The following MYO18B variants were observed in gnomAD, a reference collection of about 807,000 sequenced individuals.
MYO18B encodes unconventional myosin-XVIIIb.
MYO18B carries 204 observed loss-of-function variants against 273.0 expected under a neutral mutation model. That is an observed-to-expected ratio of 0.75 (90% CI 0.67 to 0.84). The LOEUF (loss-of-function observed/expected upper bound fraction) is 0.84, where lower values mean the gene tolerates loss of function less well. Ranked by LOEUF, MYO18B falls within the 40% of genes least tolerant of loss-of-function variation. The pLI, the probability that MYO18B is intolerant of heterozygous loss-of-function variation, is 0.00. For missense variants in MYO18B, 3,212 were observed against 3,287.6 expected (o/e 0.98, Z 0.56); for synonymous variants, 1,330 against 1,305.7 (o/e 1.02, Z -0.40).
At chr22:25,800,426 C>T (rs1461126988) in intron 12 of MYO18B, among the ~76,000 whole-genome samples, 1 of 152,216 alleles carries the variant, frequency 6.6e-6, no homozygotes, top group East Asian at 1.9e-4. Context: ...ACGTCCTGGT[C>T]ACTGAGGCCA....
chr22:25,844,974 A>T (rs1378165053), intron 18 of MYO18B, among the ~76,000 whole-genome samples: 2 of 152,042 alleles, frequency 1.3e-5, no homozygotes, highest in Non-Finnish European at 2.9e-5. Flanking sequence ...ATGCTACAAG[A>T]CTCAGCGGCT....
At chr22:25,793,798 G>A (rs1462584113) in intron 11 of MYO18B, among the ~76,000 whole-genome samples, 1 of 152,158 alleles carries the variant, frequency 6.6e-6, no homozygotes, top group Non-Finnish European at 1.5e-5. Context: ...CTTTACCTCA[G>A]ACAAACCCTG....
intron 7 of MYO18B, among the ~76,000 whole-genome samples, chr22:25,776,615 CA>C (rs2145633545): frequency 6.6e-6 from 1 of 151,960 alleles, no homozygotes; most frequent in African/African-American, 2.4e-5. Flanking sequence ...AAAACAAAAA[CA>C]AAAACAAAAA....
chr22:25,783,294 C>T (rs1028860418), intron 10 of MYO18B, among the ~76,000 whole-genome samples: 1 of 152,368 alleles, frequency 6.6e-6, no homozygotes, highest in South Asian at 2.1e-4. Flanking sequence ...GTTTCTCCTC[C>T]TGTAAAATGG....
chr22:25,902,802 G>T, intron 30 of MYO18B, 66 bp downstream of exon 30: 1 of 1,502,360 alleles, frequency 6.7e-7, no homozygotes, highest in African/African-American at 1.4e-5. Flanking sequence ...ACTGCATCGT[G>T]CACCTGCTGC....
chr22:25,900,235 AT>A (rs907424443), intron 29 of MYO18B: 1 of 152,172 alleles, frequency 6.6e-6, no homozygotes, highest in Non-Finnish European at 1.5e-5. Flanking sequence ...AAGCTAATTT[AT>A]GTTTTGATGC....
rs544015836 is a variant in MYO18B at position 26,002,611 on chromosome 22, G to A, written c.6288-654G>A. On this transcript the variant is annotated intron_variant, in intron 40 of 43. Transcript: ENST00000335473. ...GATGTCCTAGGTGTCTGAGGTTTGC[G>A]GTTTGGCTGTCTGCACCCACCCACT... 3.9e-5 allele frequency among the ~76,000 whole-genome samples: 6 copies of A among 152,278 alleles called. No individual in the cohort carries two copies. The South Asian group carries it at 6.2e-4, about 16-fold the overall frequency.
At chr22:25,825,139 A>C (rs1327449383) in intron 13 of MYO18B, among the ~76,000 whole-genome samples, 1 of 152,176 alleles carries the variant, frequency 6.6e-6, no homozygotes, top group Non-Finnish European at 1.5e-5. Flanking sequence ...GGTGCATCAC[A>C]CACAGGCACA....
At chr22:26,012,284 C>T (rs1021810982) in intron 42 of MYO18B, among the ~76,000 whole-genome samples, 4 of 152,170 alleles carry the variant, frequency 2.6e-5, no homozygotes, top group Admixed American at 6.5e-5. Flanking sequence ...AAAAACAGCT[C>T]GTTCCCAAAG....
At chr22:25,777,470 A>G in intron 7 of MYO18B, 113 bp from the exon 8 acceptor site, 1 of 1,035,752 alleles carries the variant, frequency 9.7e-7, no homozygotes, top group Non-Finnish European at 1.3e-6. Flanking sequence ...CTGGAGGCAG[A>G]TCTGGAGGCA....
intron 39 of MYO18B, among the ~76,000 whole-genome samples, chr22:25,971,580 G>C (rs2093036207): frequency 6.6e-6 from 1 of 152,174 alleles, no homozygotes; most frequent in Admixed American, 6.5e-5. Context: ...TGAGAGTCTG[G>C]CAGCTCTGAG....
chr22:25,743,165 G>C (rs1248353466), intron 1 of MYO18B, among the ~76,000 whole-genome samples: 2 of 152,236 alleles, frequency 1.3e-5, no homozygotes, highest in African/African-American at 2.4e-5. Context: ...GTGGGGATCT[G>C]GGCTTCTATC....
At chr22:26,005,243 T>C (rs1039531598) in intron 42 of MYO18B, among the ~76,000 whole-genome samples, 5 of 152,216 alleles carry the variant, frequency 3.3e-5, no homozygotes, top group African/African-American at 1.2e-4. Context: ...TTTTTCCATT[T>C]ATGGGTAATT....
intron 11 of MYO18B, among the ~76,000 whole-genome samples, chr22:25,791,401 G>T: frequency 6.6e-6 from 1 of 152,016 alleles, no homozygotes; most frequent in Admixed American, 6.6e-5. Context: ...CCAGTGTGGC[G>T]CTGGCCGGGT....
intron 25 of MYO18B, among the ~76,000 whole-genome samples, chr22:25,881,503 G>T (rs2146219899): frequency 6.6e-6 from 1 of 152,234 alleles, no homozygotes; most frequent in East Asian, 1.9e-4. Context: ...CTGTGGGCTG[G>T]TTGGGAATAT....
At chr22:25,915,337 C>T (rs895190137) in intron 33 of MYO18B, among the ~76,000 whole-genome samples, 3 of 152,160 alleles carry the variant, frequency 2.0e-5, no homozygotes, top group African/African-American at 7.2e-5. Context: ...AACGGGATAG[C>T]CTTCTACATG....
At chr22:25,945,686 TCTCCCCTCGCCTCCCCTCTCCCCTCGC>T (rs1468867905) in intron 34 of MYO18B, among the ~76,000 whole-genome samples, 9 of 106,932 alleles carry the variant, frequency 8.4e-5, no homozygotes, top group Non-Finnish European at 1.6e-4. Flanking sequence ...AGGCCTCTCC[TCTCCCCTCGCCTCCCCTCTCCCCTCGC>T]CTCCCCTCCC....
At chr22:25,764,099 A>G (rs574072576) in intron 3 of MYO18B, among the ~76,000 whole-genome samples, 1 of 152,294 alleles carries the variant, frequency 6.6e-6, no homozygotes, top group South Asian at 2.1e-4. Context: ...AATGCTTGGC[A>G]CAGGTAGGAA....
chr22:25,822,606 G>T (rs2089323748), intron 12 of MYO18B, among the ~76,000 whole-genome samples: 1 of 152,216 alleles, frequency 6.6e-6, no homozygotes, highest in Non-Finnish European at 1.5e-5. Flanking sequence ...TAGTTGGATG[G>T]TTGGATGTGT....
Sources: gnomAD v4.1 joint callset for allele counts (sites outside exome capture counted in the v4.1 genomes callset) on GRCh38, gnomAD v4.1.1 for gene constraint, MANE v1.5 for transcripts, NCBI Gene and HGNC (gene_info 2026-07-23, HGNC 2026-07-21) for gene names.